The following SYTL2 variants were observed in gnomAD, a reference collection of about 807,000 sequenced individuals.
SYTL2 encodes the protein synaptotagmin like 2.
In SYTL2, 165 loss-of-function variants were observed where a neutral mutation model predicts 198.7. That is an observed-to-expected ratio of 0.83 (90% CI 0.73 to 0.94). The LOEUF is 0.94. Ranked by LOEUF, SYTL2 falls within the 40% of genes least tolerant of loss-of-function variation. The pLI is 0.00. For missense variants in SYTL2, 2,835 were observed against 2,582.8 expected (o/e 1.10, Z -2.12); for synonymous variants, 966 against 917.7 (o/e 1.05, Z -0.95).
At chr11:85,761,159 TA>T (rs1333800889) in intron 1 of SYTL2, among the ~76,000 whole-genome samples, 3 of 151,912 alleles carry the variant, frequency 2.0e-5, no homozygotes, top group Non-Finnish European at 4.4e-5. Flanking sequence ...ACAATCAAAC[TA>T]AATAATAAAA....
chr11:85,783,548 A>G (rs1193734324), intron 1 of SYTL2, among the ~76,000 whole-genome samples: 1 of 152,210 alleles, frequency 6.6e-6, no homozygotes, highest in Non-Finnish European at 1.5e-5. Flanking sequence ...AATAGTTAAT[A>G]TTAGTTAATA....
At chr11:85,787,716 T>G (rs2092660254) in intron 1 of SYTL2, among the ~76,000 whole-genome samples, 1 of 148,876 alleles carries the variant, frequency 6.7e-6, no homozygotes. Flanking sequence ...TTTTTTTTTT[T>G]TTTGTATTTT....
At chr11:85,719,734 T>C (rs1324131179) in intron 9 of SYTL2, among the ~76,000 whole-genome samples, 1 of 152,198 alleles carries the variant, frequency 6.6e-6, no homozygotes, top group Non-Finnish European at 1.5e-5. Flanking sequence ...ATCCTTGGGA[T>C]AGTCAGGACT....
chr11:85,834,381 T>A, the SYTL2 span, among the ~76,000 whole-genome samples: 1 of 152,214 alleles, frequency 6.6e-6, no homozygotes. Flanking sequence ...AAGTCAAATC[T>A]GTCCATCCTT....
upstream of SYTL2, among the ~76,000 whole-genome samples, chr11:85,814,135 T>C (rs2093058779): frequency 6.6e-6 from 1 of 152,192 alleles, no homozygotes; most frequent in Admixed American, 6.5e-5. Context: ...AAGATCTCAA[T>C]TCCTGTTAGC....
chr11:85,742,929 G>A (rs924726334), intron 4 of SYTL2, among the ~76,000 whole-genome samples: 1 of 152,106 alleles, frequency 6.6e-6, no homozygotes, highest in African/African-American at 2.4e-5. Context: ...TGTACTCCAG[G>A]TGCAAACAAA....
At position 85,698,026 on chromosome 11, in the gene SYTL2, A is replaced by G. The variant is rs2083667595; in HGVS notation, c.6321T>C (p.Leu2107=). The G allele has an allele frequency of 6.2e-7, 1 of 1,613,882 alleles. No individual in the cohort carries two copies. Among genetic ancestry groups the G allele is most frequent in the Non-Finnish European group, 8.5e-7 (1 of 1,179,788 alleles). The part of the protein sequence containing the change: ...GEVHIWVKEC[L]DLPLLRGSHL... Reference sequence around the variant, plus strand: ...GACTTCCCCTTAGCAGTGGTAGATCAAGGCATTCCTTCACCCAGATGTGCA... The same window carrying G: ...GACTTCCCCTTAGCAGTGGTAGATCGAGGCATTCCTTCACCCAGATGTGCA... The change falls in exon 18 of 20, where the codon CTT becomes CTC. Residue 2107 remains leucine, a synonymous_variant. Transcript: ENST00000359152.
intron 1 of SYTL2, among the ~76,000 whole-genome samples, chr11:85,774,478 T>G (rs777100608): frequency 4.6e-5 from 7 of 152,186 alleles, no homozygotes; most frequent in Non-Finnish European, 1.0e-4. Context: ...AGGTACACAG[T>G]GCCCTGCAAA....
chr11:85,761,812 C>T (rs539365898), intron 1 of SYTL2, among the ~76,000 whole-genome samples: 10 of 152,298 alleles, frequency 6.6e-5, no homozygotes, highest in Admixed American at 1.3e-4. Context: ...GCGCCCACGA[C>T]CATGCCCAGC....
rs1402296315 is a variant in SYTL2, at chr11:85,736,641, C to T, written c.472-26G>A. 4.6e-6 allele frequency: 6 copies of T among 1,293,736 alleles called. No homozygotes were observed. The South Asian group carries it at 7.4e-5, about 16-fold the overall frequency. 80.1% of individuals were successfully genotyped at this position (1,293,736 alleles called of 1,614,324 possible). The stretch of plus-strand genomic sequence containing the variant: ...CTGGGGACAAATATTGTTTATTAAA[C>T]TTATTTTAAATGTCATGACAGCAAC... On this transcript the variant is annotated intron_variant, in intron 5 of 19. Transcript: ENST00000359152.
intron 12 of SYTL2, among the ~76,000 whole-genome samples, chr11:85,714,030 CTTTA>C (rs1367307295): frequency 1.3e-5 from 2 of 152,174 alleles, no homozygotes; most frequent in Admixed American, 6.5e-5. Context: ...GTCATTGTTA[CTTTA>C]TTAACAAACA....
At chr11:85,773,484 C>T (rs1444360881) in intron 1 of SYTL2, among the ~76,000 whole-genome samples, 7 of 152,174 alleles carry the variant, frequency 4.6e-5, no homozygotes, top group African/African-American at 1.7e-4. Flanking sequence ...GAGTCTAGCC[C>T]CTTCCTGATA....
chr11:85,737,899 CTG>C (rs2090477581), intron 4 of SYTL2, among the ~76,000 whole-genome samples: 1 of 152,172 alleles, frequency 6.6e-6, no homozygotes, highest in Non-Finnish European at 1.5e-5. Context: ...ACACCCTTGA[CTG>C]TTGATTGAGA....
rs750145630 is a variant in SYTL2, at chr11:85,733,928, A to G, written c.1390+11T>C. Reference sequence around the variant, plus strand: ...CAAGTTTTTATAATCTAGTAGTGACAACTCTCTTACCAGCAGGGCTTCTGG... The same window carrying G: ...CAAGTTTTTATAATCTAGTAGTGACGACTCTCTTACCAGCAGGGCTTCTGG... On this transcript the variant is annotated intron_variant, in intron 7 of 19. Transcript: ENST00000359152. The G allele has an allele frequency of 6.2e-7, 1 of 1,611,958 alleles. No homozygotes were observed. The highest frequency in any genetic ancestry group is 2.2e-5 in the East Asian group (1 of 44,866).
rs776396570 is a variant in SYTL2, at chr11:85,724,263, G to C, written c.5095C>G (p.Gln1699Glu). The change falls in exon 8 of 20, where the codon CAG becomes GAG. Residue 1699 changes from glutamine (Q) to glutamate (E), a missense_variant. Coordinates refer to ENST00000359152, the MANE Select transcript of SYTL2 (RefSeq NM_206927.4). Reference sequence around the variant, plus strand: ...GAAGCCTCTCCAAAGCCAGGTTCCTGAAGAGTCCCTTGTCCCCCTGCAACC... The same window carrying C: ...GAAGCCTCTCCAAAGCCAGGTTCCTCAAGAGTCCCTTGTCCCCCTGCAACC... Reference protein sequence around the residue: ...SGVAGGQGTLQEPGFGEASEA... With the variant: ...SGVAGGQGTLEEPGFGEASEA... 6.4e-7 allele frequency: 1 copy of C among 1,566,582 alleles called. No individual in the cohort carries two copies. The highest frequency in any genetic ancestry group is 2.0e-5 in the Admixed American group (1 of 50,212).
At position 85,695,037 on chromosome 11, in the gene SYTL2, A is replaced by C. The variant is rs1346913164; in HGVS notation, c.*158T>G. On this transcript the variant is annotated 3_prime_UTR_variant, in exon 20 of 20. Coordinates refer to ENST00000359152, the MANE Select transcript of SYTL2 (RefSeq NM_206927.4). ...TATATTTAAATCCCTTGGGCCTTGT[A>C]ATCAAAGAAGCACATGCAGATTGAC... 1 of 594,262 alleles carries C rather than the reference A, an allele frequency of 1.7e-6. No individual in the cohort carries two copies. Among genetic ancestry groups the C allele is most frequent in the Non-Finnish European group, 2.8e-6 (1 of 359,986 alleles). The allele number at this position is 594,262 out of a possible 1,614,324, so 36.8% of individuals were successfully genotyped here. A position where few individuals can be genotyped will look rare whatever the true frequency, so the allele number is the denominator to read the frequency against.
the SYTL2 span, among the ~76,000 whole-genome samples, chr11:85,831,690 C>G: frequency 6.6e-6 from 1 of 151,926 alleles, no homozygotes; most frequent in Non-Finnish European, 1.5e-5. Flanking sequence ...TGCATATATC[C>G]AAACTCATAA....
chr11:85,781,018 A>G (rs1487274169), intron 1 of SYTL2, among the ~76,000 whole-genome samples: 1 of 152,210 alleles, frequency 6.6e-6, no homozygotes. Flanking sequence ...TCTGGGGTAC[A>G]GAAGTGTTCT....
intron 7 of SYTL2, among the ~76,000 whole-genome samples, chr11:85,729,184 T>C (rs1244215025): frequency 6.6e-6 from 1 of 152,088 alleles, no homozygotes; most frequent in Non-Finnish European, 1.5e-5. Context: ...AGATCAACGA[T>C]ACAGAAAATT....
Sources: allele counts gnomAD v4.1 joint callset (sites outside exome capture counted in the v4.1 genomes callset), GRCh38; gene constraint gnomAD v4.1.1; transcripts MANE v1.5; gene names NCBI Gene and HGNC (gene_info 2026-07-23, HGNC 2026-07-21).